ZNF676: variants seen among roughly 807,000 people sequenced by gnomAD.
ZNF676 encodes zinc finger protein 676.
A neutral mutation model predicts 6.0 loss-of-function variants in ZNF676; 4 were observed. The ratio of observed to expected loss-of-function variants is 0.67; its 90% CI spans 0.33 to 1.53. ZNF676 has a LOEUF of 1.53. Ranked by LOEUF, ZNF676 falls within the 40% of genes most tolerant of loss-of-function variation. The pLI is 0.06. For missense variants in ZNF676, 644 were observed against 679.7 expected (o/e 0.95, Z 0.58); for synonymous variants, 198 against 223.1 (o/e 0.89, Z 1.00).
the ZNF676 span, among the ~76,000 whole-genome samples, chr19:22,235,062 G>A: frequency 2.4e-4 from 34 of 144,134 alleles, no homozygotes; most frequent in Non-Finnish European, 4.5e-4. Flanking sequence ...AGAAAGGCAG[G>A]AAGAAGGAAG....
At chr19:22,242,954 G>T in the ZNF676 span, among the ~76,000 whole-genome samples, 1 of 151,834 alleles carries the variant, frequency 6.6e-6, no homozygotes, top group African/African-American at 2.4e-5. Flanking sequence ...CATCATCTAG[G>T]TGATGGGCCC....
intron 1 of ZNF676, among the ~76,000 whole-genome samples, chr19:22,215,379 G>T (rs1462650839): frequency 6.6e-6 from 1 of 152,188 alleles, no homozygotes; most frequent in African/African-American, 2.4e-5. Context: ...ATCTGGGAGA[G>T]ACTCCGCGCT....
the ZNF676 span, among the ~76,000 whole-genome samples, chr19:22,225,287 T>G: frequency 8.2e-4 from 125 of 152,306 alleles, 1 homozygote; most frequent in African/African-American, 2.8e-3. Flanking sequence ...GTGACAAAAT[T>G]TTCTCTTTTA....
the ZNF676 span, among the ~76,000 whole-genome samples, chr19:22,240,665 C>T: frequency 2.0e-5 from 3 of 151,900 alleles, no homozygotes; most frequent in South Asian, 6.2e-4. Flanking sequence ...TGGTGGCAGG[C>T]TTCTGTAGTC....
chr19:22,205,846 A>C (rs1417036462), intron 1 of ZNF676, among the ~76,000 whole-genome samples: 1 of 152,208 alleles, frequency 6.6e-6, no homozygotes, highest in Admixed American at 6.5e-5. Flanking sequence ...ATGAAAAACT[A>C]CAAAATATCA....
At chr19:22,230,407 T>C in the ZNF676 span, among the ~76,000 whole-genome samples, 1 of 152,006 alleles carries the variant, frequency 6.6e-6, no homozygotes, top group Non-Finnish European at 1.5e-5. Flanking sequence ...AGATGATGGG[T>C]TGATGGGTTC....
At chr19:22,205,191 A>T (rs1214687983) in intron 1 of ZNF676, among the ~76,000 whole-genome samples, 2 of 152,188 alleles carry the variant, frequency 1.3e-5, no homozygotes, top group African/African-American at 4.8e-5. Context: ...GAAGAGACTT[A>T]GAATCTGACA....
At chr19:22,221,619 C>T in the ZNF676 span, among the ~76,000 whole-genome samples, 4 of 152,008 alleles carry the variant, frequency 2.6e-5, no homozygotes, top group Admixed American at 6.6e-5. Flanking sequence ...GGCATGGTGG[C>T]ACGTGGCTGT....
At chr19:22,248,531 C>G in the ZNF676 span, among the ~76,000 whole-genome samples, 1 of 152,148 alleles carries the variant, frequency 6.6e-6, no homozygotes, top group Non-Finnish European at 1.5e-5. Context: ...AATGAAATTG[C>G]TGGAAAAGAT....
the ZNF676 span, among the ~76,000 whole-genome samples, chr19:22,235,146 A>AGGAT: frequency 6.7e-6 from 1 of 149,764 alleles, no homozygotes; most frequent in African/African-American, 2.5e-5. Context: ...GAAGGAAGGA[A>AGGAT]GGAAGGAAAG....
At chr19:22,214,620 C>CAAAA (rs1568537167) in intron 1 of ZNF676, among the ~76,000 whole-genome samples, 1 of 141,316 alleles carries the variant, frequency 7.1e-6, no homozygotes. Context: ...AAAAAAAAAT[C>CAAAA]TAATTCAAAT....
the ZNF676 span, among the ~76,000 whole-genome samples, chr19:22,232,293 G>A: frequency 1.3e-5 from 2 of 151,746 alleles, no homozygotes; most frequent in Non-Finnish European, 2.9e-5. Flanking sequence ...TCAGCCTCCC[G>A]AGTAGCTGGG....
chr19:22,179,720 G>A lies in ZNF676; in HGVS notation c.*230C>T, dbSNP rs770459909. 2.1e-5 allele frequency: 16 copies of A among 748,616 alleles called. No individual in the cohort carries two copies. In the Admixed American group the frequency reaches 2.2e-4, roughly 10 times the overall value. 46.4% of individuals were successfully genotyped at this position (748,616 alleles called of 1,614,324 possible). ...CATTTGTAGGGTTTCTCTCCAGTAT[G>A]AATTCTCTTATGTTCCACAAGGTTT... On this transcript the variant is annotated 3_prime_UTR_variant, in exon 3 of 3. Coordinates refer to ENST00000397121, the MANE Select transcript of ZNF676 (RefSeq NM_001001411.3).
At chr19:22,241,724 A>G in the ZNF676 span, among the ~76,000 whole-genome samples, 4 of 151,878 alleles carry the variant, frequency 2.6e-5, no homozygotes, top group Non-Finnish European at 5.9e-5. Flanking sequence ...CCCTAAACCC[A>G]TGTATGAGAG....
chr19:22,207,078 T>C (rs1279127759), intron 1 of ZNF676, among the ~76,000 whole-genome samples: 1 of 152,106 alleles, frequency 6.6e-6, no homozygotes, highest in Admixed American at 6.6e-5. Context: ...AACATAAAAT[T>C]GGCAGTCTTA....
At chr19:22,236,798 T>C in the ZNF676 span, among the ~76,000 whole-genome samples, 1 of 152,252 alleles carries the variant, frequency 6.6e-6, no homozygotes, top group Admixed American at 6.5e-5. Flanking sequence ...CTAAGATCAC[T>C]GTGATGAATC....
intron 1 of ZNF676, among the ~76,000 whole-genome samples, chr19:22,208,599 T>C (rs2024098650): frequency 6.6e-6 from 1 of 152,170 alleles, no homozygotes; most frequent in African/African-American, 2.4e-5. Flanking sequence ...CTATTCACAA[T>C]AGCAAAGACA....
At chr19:22,187,691 G>A (rs1474246330) in intron 2 of ZNF676, among the ~76,000 whole-genome samples, 6 of 151,674 alleles carry the variant, frequency 4.0e-5, no homozygotes, top group Admixed American at 1.3e-4. Flanking sequence ...AGGGGACACC[G>A]CCACTGATTC....
At chr19:22,241,223 T>A in the ZNF676 span, among the ~76,000 whole-genome samples, 1 of 151,972 alleles carries the variant, frequency 6.6e-6, no homozygotes, top group Non-Finnish European at 1.5e-5. Flanking sequence ...ACCAGCAGGA[T>A]GATCCTGAAA....
Sources: allele counts gnomAD v4.1 joint callset (sites outside exome capture counted in the v4.1 genomes callset), GRCh38; gene constraint gnomAD v4.1.1; transcripts MANE v1.5; gene names NCBI Gene and HGNC (gene_info 2026-07-23, HGNC 2026-07-21).